Variants in KIF14 observed in about 807,000 individuals in gnomAD.
KIF14 encodes kinesin-like protein KIF14.
A neutral mutation model predicts 176.2 loss-of-function variants in KIF14; 98 were observed. The observed-to-expected ratio is 0.56, with a 90% confidence interval of 0.47 to 0.66. KIF14 has a LOEUF of 0.66. KIF14 is among the 30% of genes least tolerant of loss of function. KIF14 has a pLI of 0.00. For synonymous variants in KIF14, 566 were observed against 632.2 expected (o/e 0.90, Z 1.57); for missense variants, 1,751 against 1,920.4 (o/e 0.91, Z 1.65).
At chr1:200,612,067 A>G (rs942389307) in intron 4 of KIF14, among the ~76,000 whole-genome samples, 14 of 150,728 alleles carry the variant, frequency 9.3e-5, no homozygotes, top group Non-Finnish European at 1.5e-4. Flanking sequence ...CAGTGGCATG[A>G]TCTCAGCTCA....
intron 19 of KIF14, among the ~76,000 whole-genome samples, chr1:200,584,551 C>T (rs142428112): frequency 1.3e-5 from 2 of 152,270 alleles, no homozygotes; most frequent in African/African-American, 4.8e-5. Flanking sequence ...GATGGTTTAA[C>T]ATATACAAAT....
intron 25 of KIF14, among the ~76,000 whole-genome samples, chr1:200,562,333 A>G (rs964938749): frequency 6.6e-6 from 1 of 152,232 alleles, no homozygotes; most frequent in African/African-American, 2.4e-5. Flanking sequence ...AAAAGAAGGA[A>G]AGAAACTACA....
Position 200,560,889 on chromosome 1 carries a change from T to G in KIF14, c.4072-9A>C. The G allele has an allele frequency of 6.2e-7, 1 of 1,611,302 alleles. No individual in the cohort carries two copies. Among genetic ancestry groups the G allele is most frequent in the Non-Finnish European group, 8.5e-7 (1 of 1,177,548 alleles). ...ATATCCAAACAGCATCCCTGTAAGA[T>G]AAAAATGGACAAGTGTATCAGATAC... On this transcript the variant is annotated splice_polypyrimidine_tract_variant and intron_variant, in intron 25 of 29. Coordinates refer to ENST00000367350, the MANE Select transcript of KIF14 (RefSeq NM_014875.3).
chr1:200,602,263 TA>T (rs1312649920), intron 10 of KIF14, among the ~76,000 whole-genome samples, 195 bp from the exon 11 acceptor site: 1 of 152,208 alleles, frequency 6.6e-6, no homozygotes, highest in Admixed American at 6.5e-5. Context: ...ACACTTTTTA[TA>T]TTGTTTCAAG....
At chr1:200,597,193 T>C (rs1487498688) in intron 14 of KIF14, among the ~76,000 whole-genome samples, 2 of 152,026 alleles carry the variant, frequency 1.3e-5, no homozygotes, top group Admixed American at 1.3e-4. Flanking sequence ...CATTCTTTCT[T>C]TAAGACATAA....
At chr1:200,598,583 G>A (rs534997097) in intron 13 of KIF14, among the ~76,000 whole-genome samples, 162 bp from the exon 14 acceptor site, 1 of 152,112 alleles carries the variant, frequency 6.6e-6, no homozygotes, top group East Asian at 1.9e-4. Flanking sequence ...TTTTGAGACA[G>A]AGTCTCGCTG....
intron 16 of KIF14, among the ~76,000 whole-genome samples, chr1:200,591,821 C>T (rs940950493): frequency 6.6e-6 from 1 of 152,140 alleles, no homozygotes; most frequent in Non-Finnish European, 1.5e-5. Flanking sequence ...ACTGTCAGCC[C>T]CTCGAGATGA....
At chr1:200,605,194 G>A in intron 8 of KIF14, 89 bp downstream of exon 8, 2 of 1,258,984 alleles carry the variant, frequency 1.6e-6, no homozygotes, top group South Asian at 2.6e-5. Flanking sequence ...AAAACTGAAT[G>A]AGATCGGGAA....
At chr1:200,600,235 G>C in intron 12 of KIF14, 121 bp downstream of exon 12, 1 of 1,202,398 alleles carries the variant, frequency 8.3e-7, no homozygotes, top group Non-Finnish European at 1.2e-6. Context: ...GATAATCTGG[G>C]AGTGGGCTGC....
intron 5 of KIF14, 130 bp from the exon 6 acceptor site, chr1:200,606,928 ACCAC>A: frequency 1.3e-6 from 1 of 782,398 alleles, no homozygotes; most frequent in Non-Finnish European, 2.1e-6. Flanking sequence ...AAAAAAAAAA[ACCAC>A]AAAAACTCTC....
In KIF14 at chr1:200,560,797, C is replaced by T. The variant is rs375214399; in HGVS notation, c.4155G>A (p.Val1385=). ...TCCCTTTCAGAACTGCTAACTGCCC[C>T]ACATACTTTACAGCTTGTTGTACAA... ...IQIVQQAVKY[V]GQLAVLKGSK... is the part of the protein sequence containing the mutation. Residue 1385 remains valine, a synonymous_variant, in exon 26 of 30, where the codon GTG becomes GTA. Transcript: ENST00000367350. 17 of 1,614,024 alleles carry T rather than the reference C, an allele frequency of 1.1e-5. No homozygotes were observed. The African/African-American group carries it at 1.9e-4, about 18-fold the overall frequency.
intron 23 of KIF14, among the ~76,000 whole-genome samples, chr1:200,567,213 C>T (rs182669836): frequency 1.3e-5 from 2 of 148,492 alleles, no homozygotes; most frequent in Non-Finnish European, 3.0e-5. Context: ...TTCTACCTTA[C>T]AATAGTTTCT....
intron 4 of KIF14, 41 bp from the exon 5 acceptor site, chr1:200,608,969 T>C: frequency 2.6e-6 from 3 of 1,163,358 alleles, no homozygotes; most frequent in Non-Finnish European, 3.8e-6. Flanking sequence ...TATTTTGATG[T>C]TTTGCAAATC....
At chr1:200,558,193 T>C (rs1298439049) in intron 27 of KIF14, among the ~76,000 whole-genome samples, 1 of 152,180 alleles carries the variant, frequency 6.6e-6, no homozygotes, top group Non-Finnish European at 1.5e-5. Context: ...GGGCTCAAGC[T>C]GTCTTCCTGC....
In KIF14 at chr1:200,606,816, A is replaced by C. The variant is rs1659905857; in HGVS notation, c.1555-18T>G. ...ACTCTCAGCTAGAAGAAGCAAATAC[A>C]TGCATCATTAGGAGTATGACAAATA... On this transcript the variant is annotated intron_variant, in intron 5 of 29. Transcript: ENST00000367350. The C allele has an allele frequency of 3.8e-6, 6 of 1,591,842 alleles. No homozygotes were observed. The highest frequency in any genetic ancestry group is 5.2e-6 in the Non-Finnish European group (6 of 1,160,376).
At chr1:200,605,102 AT>A (rs1173499865) in intron 8 of KIF14, among the ~76,000 whole-genome samples, 180 bp downstream of exon 8, 2 of 152,204 alleles carry the variant, frequency 1.3e-5, no homozygotes, top group Non-Finnish European at 2.9e-5. Context: ...AAAGAAGACA[AT>A]AAGAAAAACA....
At chr1:200,590,399 T>A (rs1658993026) in intron 16 of KIF14, 127 bp from the exon 17 acceptor site, 8 of 836,178 alleles carry the variant, frequency 9.6e-6, no homozygotes, top group Non-Finnish European at 1.2e-5. Flanking sequence ...ATTTCTGACA[T>A]TCTATCAACA....
intron 14 of KIF14, among the ~76,000 whole-genome samples, chr1:200,596,888 CTTTTTTTTTTTT>C (rs993346438): frequency 3.0e-5 from 3 of 99,212 alleles, no homozygotes; most frequent in Admixed American, 1.2e-4. Flanking sequence ...CTCTCTCTCT[CTTTTTTTTTTTT>C]TTTTTTTTTT....
chr1:200,591,190 G>C (rs1209831199), intron 16 of KIF14, among the ~76,000 whole-genome samples: 1 of 152,138 alleles, frequency 6.6e-6, no homozygotes, highest in Non-Finnish European at 1.5e-5. Context: ...GCAGGTTGAG[G>C]CTTCTTAAAA....
Sources: allele counts gnomAD v4.1 joint callset (sites outside exome capture counted in the v4.1 genomes callset), GRCh38; gene constraint gnomAD v4.1.1; transcripts MANE v1.5; gene names NCBI Gene and HGNC (gene_info 2026-07-23, HGNC 2026-07-21).